Variants in FOCAD observed in about 807,000 individuals in gnomAD.
FOCAD encodes focadhesin.
In FOCAD, 198 loss-of-function variants were observed where a neutral mutation model predicts 225.6. The observed-to-expected ratio is 0.88, with a 90% CI of 0.78 to 0.99. The LOEUF is 0.99. Among genes scored for constraint, FOCAD ranks in the 50% least tolerant of loss-of-function variants. FOCAD has a pLI of 0.00. For missense variants in FOCAD, 2,713 were observed against 2,123.6 expected (o/e 1.28, Z -5.46); for synonymous variants, 897 against 755.0 (o/e 1.19, Z -3.08).
chr9:20,839,657 T>C (rs993118653), intron 15 of FOCAD, among the ~76,000 whole-genome samples: 1 of 151,404 alleles, frequency 6.6e-6, no homozygotes, highest in Non-Finnish European at 1.5e-5. Context: ...AATTTTTTTT[T>C]ATTTTTAATG....
At chr9:20,764,848 A>G in intron 6 of FOCAD, 21 bp from the exon 7 acceptor site, 1 of 1,592,442 alleles carries the variant, frequency 6.3e-7, no homozygotes, top group Non-Finnish European at 8.6e-7. Flanking sequence ...ATAACTGGCT[A>G]ATGTATTTCA....
intron 5 of FOCAD, among the ~76,000 whole-genome samples, chr9:20,743,566 A>T (rs569847114): frequency 6.6e-6 from 1 of 152,190 alleles, no homozygotes; most frequent in African/African-American, 2.4e-5. Context: ...AATTTTATGA[A>T]GGAGCTGTAG....
intron 35 of FOCAD, among the ~76,000 whole-genome samples, chr9:20,964,712 T>A (rs921411914): frequency 1.3e-5 from 2 of 152,146 alleles, no homozygotes; most frequent in Non-Finnish European, 2.9e-5. Flanking sequence ...ATTTTTGTAT[T>A]TTTAGTAGAG....
rs774723305 is a variant in FOCAD, at chr9:20,970,636, A to G, written c.4133-5784A>G. On this transcript the variant is annotated intron_variant, in intron 35 of 43. Coordinates refer to ENST00000338382, the MANE Select transcript of FOCAD (RefSeq NM_001375567.1). ...TCCATAATTTTCTTTAGCTGAATAT[A>G]TTTAAGAGAGTTGCTTTCAAGTCTT... is the stretch of plus-strand genomic sequence containing the variant. Among the ~76,000 whole-genome samples the G allele has an allele frequency of 2.0e-5, 3 of 152,052 alleles. No homozygotes were observed. In the South Asian group the frequency reaches 6.2e-4, roughly 31 times the overall value.
intron 3 of FOCAD, among the ~76,000 whole-genome samples, chr9:20,718,118 A>G (rs1360394654): frequency 6.6e-6 from 1 of 152,238 alleles, no homozygotes; most frequent in East Asian, 1.9e-4. Flanking sequence ...TATTCTTATG[A>G]CTATTAATGA....
rs749548923 is a variant in FOCAD, at chr9:20,720,392, A to G, written c.145A>G (p.Asn49Asp). Residue 49 changes from asparagine (N) to aspartate (D), a missense_variant, in exon 4 of 44, where the codon AAC becomes GAC. Physicochemically the swap from Asn to Asp is conservative, Grantham distance 23 (BLOSUM62 1). Coordinates refer to ENST00000338382, the MANE Select transcript of FOCAD (RefSeq NM_001375567.1). ...HQSTNQTPAL[N>D]LLWEKCCSDN... ...GGTTTGGTTTCAGACTCCTGCTTTG[A>G]ACTTGCTGTGGGAGAAGTGTTGCAG... is the stretch of plus-strand genomic sequence containing the variant. 1.9e-6 allele frequency: 3 copies of G among 1,614,020 alleles called. No homozygotes were observed. The highest frequency in any genetic ancestry group is 1.7e-6 in the Non-Finnish European group (2 of 1,179,948).
At chr9:20,942,723 C>T (rs1490116458) in intron 28 of FOCAD, among the ~76,000 whole-genome samples, 1 of 152,082 alleles carries the variant, frequency 6.6e-6, no homozygotes, top group East Asian at 1.9e-4. Flanking sequence ...GCAGCAGATA[C>T]TGTGGTAGGG....
intron 15 of FOCAD, among the ~76,000 whole-genome samples, chr9:20,844,268 C>T (rs980234642): frequency 2.0e-5 from 3 of 150,914 alleles, no homozygotes; most frequent in Non-Finnish European, 4.4e-5. Context: ...ATTTGTGTTC[C>T]TACTGTGCAT....
chr9:20,684,859 C>A (rs1041341969), intron 1 of FOCAD, among the ~76,000 whole-genome samples: 2 of 152,246 alleles, frequency 1.3e-5, no homozygotes, highest in African/African-American at 4.8e-5. Context: ...CTGGCTCCGT[C>A]CGCACTTGCG....
intron 8 of FOCAD, among the ~76,000 whole-genome samples, chr9:20,772,986 A>AGG (rs1554678571): frequency 3.3e-4 from 1 of 2,990 alleles, no homozygotes; most frequent in Admixed American, 5.8e-3. Context: ...AAATGCATAT[A>AGG]TAGATGTTTT....
At chr9:20,761,608 G>C (rs1482690205) in intron 6 of FOCAD, among the ~76,000 whole-genome samples, 1 of 151,982 alleles carries the variant, frequency 6.6e-6, no homozygotes, top group Non-Finnish European at 1.5e-5. Context: ...TTTTAGTAGA[G>C]ATGAGGTTTC....
chr9:20,771,388 G>T (rs572369112), intron 8 of FOCAD, among the ~76,000 whole-genome samples: 1 of 152,152 alleles, frequency 6.6e-6, no homozygotes, highest in African/African-American at 2.4e-5. Flanking sequence ...GTTTGGGACC[G>T]CACACCACTA....
intron 15 of FOCAD, among the ~76,000 whole-genome samples, chr9:20,841,943 CT>C (rs1247657285): frequency 3.3e-5 from 5 of 151,704 alleles, no homozygotes; most frequent in Non-Finnish European, 7.4e-5. Context: ...GTTTTGGTAT[CT>C]TGTTTTCCCA....
intron 19 of FOCAD, 137 bp from the exon 20 acceptor site, chr9:20,881,734 A>G: frequency 5.1e-6 from 4 of 779,618 alleles, no homozygotes; most frequent in Admixed American, 5.4e-5. Flanking sequence ...AGGGATAGGT[A>G]TCAAGAGGTC....
chr9:20,986,566 T>A, intron 40 of FOCAD, 101 bp downstream of exon 40: 1 of 1,114,596 alleles, frequency 9.0e-7, no homozygotes, highest in Non-Finnish European at 1.2e-6. Flanking sequence ...AGTTTAGTGC[T>A]TATTGACACA....
intron 20 of FOCAD, among the ~76,000 whole-genome samples, chr9:20,882,734 C>G (rs1387950610): frequency 6.6e-6 from 1 of 152,178 alleles, no homozygotes; most frequent in Non-Finnish European, 1.5e-5. Context: ...GCAAGAGTGA[C>G]ACAACTCAGA....
intron 15 of FOCAD, among the ~76,000 whole-genome samples, chr9:20,827,462 C>T (rs1242612273): frequency 6.6e-6 from 1 of 151,956 alleles, no homozygotes; most frequent in Non-Finnish European, 1.5e-5. Flanking sequence ...ACATTTGCCA[C>T]TAACAGACAA....
intron 1 of FOCAD, among the ~76,000 whole-genome samples, chr9:20,701,334 A>G (rs1823925548): frequency 6.6e-6 from 1 of 152,232 alleles, no homozygotes; most frequent in Admixed American, 6.5e-5. Flanking sequence ...ATGCACACAC[A>G]AATTTCCCTG....
At chr9:20,861,201 TTA>T (rs1321865887) in intron 15 of FOCAD, among the ~76,000 whole-genome samples, 1 of 152,200 alleles carries the variant, frequency 6.6e-6, no homozygotes, top group Non-Finnish European at 1.5e-5. Flanking sequence ...TTCCAATAAT[TTA>T]GAGTGATGTA....
Sources: gnomAD v4.1 joint callset for allele counts (sites outside exome capture counted in the v4.1 genomes callset) on GRCh38, gnomAD v4.1.1 for gene constraint, MANE v1.5 for transcripts, NCBI Gene and HGNC (gene_info 2026-07-23, HGNC 2026-07-21) for gene names.